CAST: variants seen among roughly 807,000 people sequenced by gnomAD.
The protein encoded by CAST is calpastatin, also known as MIR583 host.
Under a neutral mutation model 119.6 loss-of-function variants are expected in CAST, and 76 were observed. That is an observed-to-expected ratio of 0.64 (90% CI 0.53 to 0.77). CAST has a LOEUF of 0.77. Among genes scored for constraint, CAST ranks in the 30% least tolerant of loss-of-function variants. The pLI, the probability that CAST is intolerant of heterozygous loss-of-function variation, is 0.00. For synonymous variants in CAST, 319 were observed against 331.6 expected, an observed-to-expected ratio of 0.96 and a Z score of 0.41; for missense variants, 953 against 946.5, an observed-to-expected ratio of 1.01 and a Z score of -0.09.
the CAST span, among the ~76,000 whole-genome samples, chr5:96,442,456 A>G: frequency 2.6e-5 from 4 of 152,210 alleles, no homozygotes; most frequent in African/African-American, 9.7e-5. Context: ...CAGAAGCCCT[A>G]TGTTTCTAGG....
chr5:96,003,946 C>CT, the CAST span, among the ~76,000 whole-genome samples: 2 of 152,242 alleles, frequency 1.3e-5, no homozygotes, highest in South Asian at 4.1e-4. Context: ...ATACAGTCAT[C>CT]TTTTTTTCAT....
At chr5:96,420,496 C>T in the CAST span, among the ~76,000 whole-genome samples, 1 of 152,156 alleles carries the variant, frequency 6.6e-6, no homozygotes, top group African/African-American at 2.4e-5. Flanking sequence ...CGGTTAACCC[C>T]TTTAGTCACC....
the CAST span, among the ~76,000 whole-genome samples, chr5:96,017,726 T>C: frequency 2.3e-4 from 35 of 152,276 alleles, no homozygotes; most frequent in Non-Finnish European, 4.7e-4. Flanking sequence ...CCTCTTAGCA[T>C]TTATATCAGT....
intron 1 of CAST, among the ~76,000 whole-genome samples, chr5:96,601,771 C>A (rs908289449): frequency 9.9e-5 from 15 of 152,108 alleles, no homozygotes; most frequent in African/African-American, 3.6e-4. Flanking sequence ...AAGCTAACAC[C>A]CTTATCATAA....
chr5:96,360,673 CA>C, the CAST span, among the ~76,000 whole-genome samples: 1 of 152,232 alleles, frequency 6.6e-6, no homozygotes, highest in Non-Finnish European at 1.5e-5. Flanking sequence ...TGGAGAACAG[CA>C]GAGATTGCTG....
chr5:96,487,838 G>A, the CAST span, among the ~76,000 whole-genome samples: 1,542 of 152,294 alleles, frequency 0.01, 11 homozygotes, highest in Middle Eastern at 0.02. Context: ...AATCAGGGTG[G>A]CATCACGAAA....
At chr5:96,474,323 CCCTAG>C in the CAST span, among the ~76,000 whole-genome samples, 1 of 152,026 alleles carries the variant, frequency 6.6e-6, no homozygotes, top group East Asian at 1.9e-4. Context: ...GCTACCAAAA[CCCTAG>C]CCTCTGAGGG....
the CAST span, among the ~76,000 whole-genome samples, chr5:96,153,328 G>GAC: frequency 6.6e-6 from 1 of 152,140 alleles, no homozygotes; most frequent in African/African-American, 2.4e-5. Context: ...GAGAGAGAGA[G>GAC]ACATCTGGAG....
intron 1 of CAST, among the ~76,000 whole-genome samples, chr5:96,653,697 T>G (rs1203635723): frequency 1.3e-5 from 2 of 152,212 alleles, no homozygotes; most frequent in African/African-American, 4.8e-5. Flanking sequence ...ATCTTGTATC[T>G]TAACCCAATA....
chr5:96,485,017 C>T, the CAST span, among the ~76,000 whole-genome samples: 30 of 152,224 alleles, frequency 2.0e-4, no homozygotes, highest in South Asian at 5.6e-3. Flanking sequence ...AAGTTCTGAG[C>T]AGAACTTCTA....
At chr5:96,112,363 C>T in the CAST span, among the ~76,000 whole-genome samples, 3 of 151,976 alleles carry the variant, frequency 2.0e-5, no homozygotes, top group Non-Finnish European at 4.4e-5. Context: ...AAGTAAACAT[C>T]AAATCATGGC....
At chr5:95,961,906 C>A in the CAST span, 1 of 723,342 alleles carries the variant, frequency 1.4e-6, no homozygotes. Flanking sequence ...CCCTCCGGCC[C>A]CGCGCCCCGC....
the CAST span, among the ~76,000 whole-genome samples, chr5:96,295,838 AAGAT>A: frequency 2.6e-5 from 4 of 152,196 alleles, no homozygotes; most frequent in Admixed American, 6.5e-5. Context: ...TATGAGCAGT[AAGAT>A]GTCCAATTTT....
chr5:96,692,910 G>C (rs1276691898), intron 2 of CAST, among the ~76,000 whole-genome samples: 1 of 152,176 alleles, frequency 6.6e-6, no homozygotes, highest in Non-Finnish European at 1.5e-5. Flanking sequence ...CAGGCTCATA[G>C]TTTTCCCAAT....
At chr5:96,088,319 G>T in the CAST span, among the ~76,000 whole-genome samples, 1 of 152,132 alleles carries the variant, frequency 6.6e-6, no homozygotes, top group African/African-American at 2.4e-5. Context: ...GCCCATCTAA[G>T]CCACTGCTCT....
the CAST span, among the ~76,000 whole-genome samples, chr5:96,509,300 C>T: frequency 6.6e-6 from 1 of 152,224 alleles, no homozygotes; most frequent in Admixed American, 6.5e-5. Flanking sequence ...TGCAGCACAA[C>T]AACGGAGGTG....
At chr5:96,676,616 G>A (rs1225702932) in intron 2 of CAST, among the ~76,000 whole-genome samples, 1 of 151,674 alleles carries the variant, frequency 6.6e-6, no homozygotes, top group Non-Finnish European at 1.5e-5. Context: ...ATTTTTTATA[G>A]CCATGAAAGG....
chr5:95,979,538 ATTAT>A, the CAST span, among the ~76,000 whole-genome samples: 12,391 of 152,182 alleles, frequency 0.081, 709 homozygotes, highest in Non-Finnish European at 0.11. Context: ...TCATCAATAA[ATTAT>A]TTATGGGGAA....
At chr5:96,325,374 CTT>C in the CAST span, among the ~76,000 whole-genome samples, 67 of 150,150 alleles carry the variant, frequency 4.5e-4, no homozygotes, top group South Asian at 0.01. Flanking sequence ...TCTTTCTTTT[CTT>C]TCTTCTTTCT....
Sources: gnomAD v4.1 joint callset for allele counts (sites outside exome capture counted in the v4.1 genomes callset) on GRCh38, gnomAD v4.1.1 for gene constraint, MANE v1.5 for transcripts, NCBI Gene and HGNC (gene_info 2026-07-23, HGNC 2026-07-21) for gene names.